Variants in UPF2 observed in about 807,000 individuals in gnomAD.
UPF2 encodes UPF2 regulator of nonsense mediated mRNA decay.
In UPF2, 17 loss-of-function variants were observed where a neutral mutation model predicts 141.4. The ratio of observed to expected loss-of-function variants is 0.12; its 90% CI spans 0.08 to 0.18. The LOEUF (loss-of-function observed/expected upper bound fraction) is 0.18. UPF2 is among the 10% of genes least tolerant of loss of function. The probability of loss-of-function intolerance (pLI) is 1.00; values close to 1 mark genes in which losing one functional copy is unlikely to be tolerated. For synonymous variants in UPF2, 540 were observed against 498.0 expected, an observed-to-expected ratio of 1.08 and a Z score of -1.12; for missense variants, 1,152 against 1,515.9, an observed-to-expected ratio of 0.76 and a Z score of 3.99.
At chr10:12,009,581 G>A (rs1380683005) in intron 4 of UPF2, among the ~76,000 whole-genome samples, 1 of 152,162 alleles carries the variant, frequency 6.6e-6, no homozygotes. Context: ...AGGCAGTATA[G>A]GAAAATAATC....
intron 8 of UPF2, among the ~76,000 whole-genome samples, chr10:11,988,594 G>C (rs1027925727): frequency 6.6e-6 from 1 of 152,206 alleles, no homozygotes; most frequent in African/African-American, 2.4e-5. Context: ...AGGGAGGAAG[G>C]AGCATGCCAG....
At chr10:11,958,844 G>GTCATC (rs1833196501) in intron 12 of UPF2, among the ~76,000 whole-genome samples, 1 of 152,140 alleles carries the variant, frequency 6.6e-6, no homozygotes, top group African/African-American at 2.4e-5. Context: ...TAAAGGTTAG[G>GTCATC]ATCCTGTGTA....
At chr10:11,981,763 G>A (rs2131231924) in intron 8 of UPF2, among the ~76,000 whole-genome samples, 1 of 152,140 alleles carries the variant, frequency 6.6e-6, no homozygotes, top group African/African-American at 2.4e-5. Flanking sequence ...TCGGCTCACT[G>A]CAACCTCCGC....
chr10:11,926,643 TG>T (rs1268131398), intron 21 of UPF2, among the ~76,000 whole-genome samples: 1 of 152,112 alleles, frequency 6.6e-6, no homozygotes, highest in African/African-American at 2.4e-5. Context: ...AGATGGCAGG[TG>T]GGGATGCCAG....
intron 11 of UPF2, among the ~76,000 whole-genome samples, chr10:11,961,952 C>A (rs550578456): frequency 2.4e-4 from 37 of 152,108 alleles, no homozygotes; most frequent in African/African-American, 7.5e-4. Flanking sequence ...CCTATACTGA[C>A]GCATCTCTGT....
At chr10:11,999,023 CA>C (rs567447054) in intron 7 of UPF2, among the ~76,000 whole-genome samples, 4,145 of 113,384 alleles carry the variant, frequency 0.037, 180 homozygotes, top group African/African-American at 0.14. Context: ...AGACTCCACT[CA>C]AAAAAAAAAA....
intron 3 of UPF2, 99 bp downstream of exon 3, chr10:12,028,646 C>T (rs1834461854): frequency 1.6e-6 from 2 of 1,246,274 alleles, no homozygotes; most frequent in Non-Finnish European, 2.2e-6. Flanking sequence ...TGTAAGGAGC[C>T]CTTTTCCATA....
At chr10:11,938,999 A>T (rs942119034) in intron 18 of UPF2, among the ~76,000 whole-genome samples, 18 of 151,190 alleles carry the variant, frequency 1.2e-4, no homozygotes, top group African/African-American at 4.4e-4. Flanking sequence ...CAGCCTCCCA[A>T]GTAGCTGGGA....
At position 11,920,337 on chromosome 10, in the gene UPF2, G is replaced by A. The variant is rs1277127353; in HGVS notation, c.*961C>T. On this transcript the variant is annotated 3_prime_UTR_variant, in exon 22 of 22. Coordinates refer to ENST00000357604, the MANE Select transcript of UPF2 (RefSeq NM_015542.4). Reference sequence around the variant, plus strand: ...AAGGACCCTCATTTCTATTTAGTGGGGGAAAACAAAAAAAAAAACAAAACA... The same window carrying A: ...AAGGACCCTCATTTCTATTTAGTGGAGGAAAACAAAAAAAAAAACAAAACA... 1 of 85,774 alleles carries A rather than the reference G, an allele frequency of 1.2e-5. No homozygotes were observed. The allele number at this position is 85,774 out of a possible 1,614,324, so 5.3% of individuals were successfully genotyped here. A position where few individuals can be genotyped will look rare whatever the true frequency, so the allele number is the denominator to read the frequency against.
At chr10:11,923,093 A>G (rs1386170653) in intron 21 of UPF2, 1 of 152,224 alleles carries the variant, frequency 6.6e-6, no homozygotes, top group Non-Finnish European at 1.5e-5. Context: ...AAAGTCAGAT[A>G]GTATACTCCT....
In UPF2 at chr10:11,920,344, CA is replaced by C. The variant is rs66656337; in HGVS notation, c.*953del. On this transcript the variant is annotated 3_prime_UTR_variant, in exon 22 of 22. Transcript: ENST00000357604. ...CTCATTTCTATTTAGTGGGGGAAAA[CA>C]AAAAAAAAAACAAAACAAAAACAAA... The C allele has an allele frequency of 0.69, 102,179 of 147,992 alleles. 35,119 individuals are homozygous for C. The highest frequency in any genetic ancestry group is 0.73 in the Non-Finnish European group (48,683 of 66,850). 9.2% of individuals were successfully genotyped at this position (147,992 alleles called of 1,614,324 possible).
rs536313424 is a variant in UPF2 at position 11,955,166 on chromosome 10, T to C, written c.2850+66A>G. The C allele has an allele frequency of 7.0e-6, 10 of 1,430,354 alleles. No individual in the cohort carries two copies. The South Asian group carries it at 1.6e-4, about 22-fold the overall frequency. The allele number at this position is 1,430,354 out of a possible 1,614,324, so 88.6% of individuals were successfully genotyped here. ...GAATACCATAACGTTTCTTCTCTCA[T>C]AGTATTCTTTTAAAACACATGCAAT... On this transcript the variant is annotated intron_variant, in intron 14 of 21. Coordinates refer to ENST00000357604, the MANE Select transcript of UPF2 (RefSeq NM_015542.4).
In UPF2 at chr10:11,959,149, T is replaced by C; in HGVS notation, c.2370+22A>G. 1 of 1,557,660 alleles carries C rather than the reference T, an allele frequency of 6.4e-7. No homozygotes were observed. ...CACAAATCTCACGTTAACTATTAACTGCATGATTTCATAAGATTTACCTTC... is the reference window on the plus strand; with the variant it reads ...CACAAATCTCACGTTAACTATTAACCGCATGATTTCATAAGATTTACCTTC... On this transcript the variant is annotated intron_variant, in intron 12 of 21. Coordinates refer to ENST00000357604, the MANE Select transcript of UPF2 (RefSeq NM_015542.4). The surrounding 1 kb of genome is among the most constrained non-coding windows in gnomAD (Gnocchi z 5.9).
At chr10:11,999,509 T>A (rs1220187697) in intron 7 of UPF2, among the ~76,000 whole-genome samples, 2 of 88,864 alleles carry the variant, frequency 2.3e-5, no homozygotes, top group South Asian at 4.1e-4. Flanking sequence ...TGAGACTCCA[T>A]CTCAAAAAAA....
At position 11,941,636 on chromosome 10, in the gene UPF2, CA is replaced by C. The variant is rs780021234; in HGVS notation, c.3378+1028del. On this transcript the variant is annotated intron_variant, in intron 18 of 21. Coordinates refer to ENST00000357604, the MANE Select transcript of UPF2 (RefSeq NM_015542.4). ...CTCCCCGTTTCTCTTCCCTTTCTGG[CA>C]AAACTCCTCAAGACTTATCTATATG... 7.9e-5 allele frequency among the ~76,000 whole-genome samples: 12 copies of C among 152,248 alleles called. No homozygotes were observed. In the East Asian group the frequency reaches 2.3e-3, roughly 29 times the overall value.
At chr10:12,039,833 T>A (rs1212003341) in intron 1 of UPF2, among the ~76,000 whole-genome samples, 1 of 152,040 alleles carries the variant, frequency 6.6e-6, no homozygotes, top group Admixed American at 6.5e-5. Context: ...TTGGTCAGGC[T>A]GGTCTCAAAC....
In UPF2 at chr10:11,959,064, T is replaced by C; in HGVS notation, c.2370+107A>G. 9.3e-7 allele frequency: 1 copy of C among 1,071,958 alleles called. No individual in the cohort carries two copies. The highest frequency in any genetic ancestry group is 1.3e-6 in the Non-Finnish European group (1 of 787,218). The allele number at this position is 1,071,958 out of a possible 1,614,324, so 66.4% of individuals were successfully genotyped here. On this transcript the variant is annotated intron_variant, in intron 12 of 21. Coordinates refer to ENST00000357604, the MANE Select transcript of UPF2 (RefSeq NM_015542.4). This position sits in a 1 kb window ranked among gnomAD's most constrained non-coding sequence, Gnocchi z 5.9. ...TTAGGGTGACTTACACAGAGCTGAT[T>C]ATAAAGGAACTTGAGCTCTACCCCC...
In UPF2 at chr10:12,014,239, T is replaced by C; in HGVS notation, c.1146-55A>G. On this transcript the variant is annotated intron_variant, in intron 3 of 21. Transcript: ENST00000357604. This position sits in a 1 kb window ranked among gnomAD's most constrained non-coding sequence, Gnocchi z 5.0. Reference sequence around the variant, plus strand: ...TTATCAAAATAGATGTGATCACAAATTGTTATATATGGGAAACATTCCATA... The same window carrying C: ...TTATCAAAATAGATGTGATCACAAACTGTTATATATGGGAAACATTCCATA... 3.1e-6 allele frequency: 4 copies of C among 1,306,108 alleles called. No individual in the cohort carries two copies. In the South Asian group the frequency reaches 1.2e-4, roughly 39 times the overall value. 80.9% of individuals were successfully genotyped at this position (1,306,108 alleles called of 1,614,324 possible). A position where few individuals can be genotyped will look rare whatever the true frequency, so the allele number is the denominator to read the frequency against.
intron 1 of UPF2, 40 bp from the exon 2 acceptor site, chr10:12,035,481 A>T: frequency 1.4e-6 from 2 of 1,461,608 alleles, no homozygotes; most frequent in Non-Finnish European, 1.8e-6. Flanking sequence ...AGATGCAGTG[A>T]CTTTTTAAAA....
Sources: gnomAD v4.1 joint callset for allele counts (sites outside exome capture counted in the v4.1 genomes callset) on GRCh38, gnomAD v4.1.1 for gene constraint, Gnocchi (gnomAD v3.1) non-coding constraint, MANE v1.5 for transcripts, NCBI Gene and HGNC (gene_info 2026-07-23, HGNC 2026-07-21) for gene names.